LRCH1: variants seen among roughly 807,000 people sequenced by gnomAD.
LRCH1 encodes leucine-rich repeat and calponin homology domain-containing protein 1.
A neutral mutation model predicts 94.9 loss-of-function variants in LRCH1; 23 were observed. The ratio of observed to expected loss-of-function variants is 0.24; its 90% CI spans 0.17 to 0.34. The LOEUF (loss-of-function observed/expected upper bound fraction) is 0.34, where lower values mean the gene tolerates loss of function less well. LRCH1 is among the 10% of genes least tolerant of loss of function. LRCH1 has a pLI of 1.00. For missense variants in LRCH1, 790 were observed against 945.9 expected (o/e 0.84, Z 2.16); for synonymous variants, 364 against 354.9 (o/e 1.03, Z -0.29).
At chr13:46,629,033 G>GC (rs1302578964) in intron 1 of LRCH1, among the ~76,000 whole-genome samples, 1 of 152,172 alleles carries the variant, frequency 6.6e-6, no homozygotes, top group Non-Finnish European at 1.5e-5. Flanking sequence ...ACAGTGGTCT[G>GC]CCAAGTCTCC....
intron 4 of LRCH1, among the ~76,000 whole-genome samples, chr13:46,682,832 C>T (rs1209211660): frequency 6.6e-6 from 1 of 152,170 alleles, no homozygotes; most frequent in African/African-American, 2.4e-5. Flanking sequence ...GCATGTCTGT[C>T]CAGTAGTGTG....
intron 15 of LRCH1, among the ~76,000 whole-genome samples, chr13:46,713,770 A>G (rs1872187728): frequency 6.6e-6 from 1 of 152,186 alleles, no homozygotes; most frequent in South Asian, 2.1e-4. Flanking sequence ...CCACGGTCTC[A>G]GGTGTGTCCT....
At chr13:46,580,638 G>A (rs1447435907) in intron 1 of LRCH1, among the ~76,000 whole-genome samples, 1 of 152,158 alleles carries the variant, frequency 6.6e-6, no homozygotes, top group Non-Finnish European at 1.5e-5. Flanking sequence ...TCTTTTGTGA[G>A]AACAAAAGGA....
chr13:46,680,924 A>G (rs1262643453), intron 3 of LRCH1, among the ~76,000 whole-genome samples: 2 of 152,196 alleles, frequency 1.3e-5, no homozygotes, highest in African/African-American at 4.8e-5. Flanking sequence ...GCACTGGTCT[A>G]CACTGCAGGA....
At chr13:46,617,566 C>T (rs765760014) in intron 1 of LRCH1, among the ~76,000 whole-genome samples, 1 of 152,188 alleles carries the variant, frequency 6.6e-6, no homozygotes, top group African/African-American at 2.4e-5. Flanking sequence ...ACAAGGTTCT[C>T]GCAGGGGCTC....
At position 46,701,719 on chromosome 13, in the gene LRCH1, A is replaced by G. The variant is rs184460133; in HGVS notation, c.1400+512A>G. 2.0e-5 allele frequency among the ~76,000 whole-genome samples: 3 copies of G among 152,370 alleles called. No homozygotes were observed. The East Asian group carries it at 5.8e-4, about 29-fold the overall frequency. The stretch of plus-strand genomic sequence containing the variant: ...TGCCTTGATCGATAATAGGCACTAC[A>G]TTCAGTGGATATGTGGATAATATTT... On this transcript the variant is annotated intron_variant, in intron 11 of 19. Transcript: ENST00000389797.
intron 2 of LRCH1, among the ~76,000 whole-genome samples, chr13:46,661,186 T>A (rs2051443292): frequency 6.6e-6 from 1 of 152,080 alleles, no homozygotes; most frequent in Non-Finnish European, 1.5e-5. Flanking sequence ...AGAGGGGAGA[T>A]CACAGAATTT....
chr13:46,676,217 C>T lies in LRCH1; in HGVS notation c.580-5524C>T, dbSNP rs189722615. 1.9e-3 allele frequency among the ~76,000 whole-genome samples: 281 copies of T among 150,764 alleles called. No homozygotes were observed. The Middle Eastern group carries it at 0.024, about 13-fold the overall frequency. On this transcript the variant is annotated intron_variant, in intron 3 of 19. Transcript: ENST00000389797. ...TGGAGGTTGCAGCAAGCCGAGATTG[C>T]GCCACCGCACTCCAGCCTGGGTGAC...
intron 4 of LRCH1, among the ~76,000 whole-genome samples, chr13:46,683,517 G>A (rs1290109107): frequency 1.3e-5 from 2 of 152,172 alleles, no homozygotes; most frequent in Non-Finnish European, 2.9e-5. Flanking sequence ...CTTATTAACA[G>A]CAAATTTATA....
Position 46,573,868 on chromosome 13 carries a change from T to TATATA in LRCH1, c.307+20165_307+20166insATATA, listed in dbSNP as rs1374087114. The stretch of plus-strand genomic sequence containing the variant: ...CAAATATATATATATATATATATAT[T>TATATA]TTTTTTTTTTTTGAGATGGAGTCTT... On this transcript the variant is annotated intron_variant, in intron 1 of 19. Transcript: ENST00000389797. Among the ~76,000 whole-genome samples the TATATA allele has an allele frequency of 3.7e-3, 151 of 40,426 alleles. 2 individuals are homozygous for TATATA. The highest frequency in any genetic ancestry group is 0.013 in the African/African-American group (144 of 11,408). The allele number at this position is 40,426 out of a possible 152,430, so 26.5% of individuals were successfully genotyped here. A position where few individuals can be genotyped will look rare whatever the true frequency, so the allele number is the denominator to read the frequency against.
chr13:46,586,449 T>C (rs573126576), intron 1 of LRCH1, among the ~76,000 whole-genome samples: 2 of 152,330 alleles, frequency 1.3e-5, no homozygotes, highest in South Asian at 4.1e-4. Context: ...AGGGTCTCCC[T>C]CTGTCACTCA....
At chr13:46,693,923 G>A (rs1871041645) in intron 8 of LRCH1, among the ~76,000 whole-genome samples, 1 of 101,700 alleles carries the variant, frequency 9.8e-6, no homozygotes, top group South Asian at 4.1e-4. Flanking sequence ...CATGATAGGA[G>A]AGCTGTTTAA....
chr13:46,742,992 A>AG lies in LRCH1; in HGVS notation c.*1146dup, dbSNP rs1384008843. ...GCAATGTGATCAGTTTGCATTTAAA[A>AG]GGAAAAAAAAGAATTTTATCTTAGC... On this transcript the variant is annotated 3_prime_UTR_variant, in exon 20 of 20. Coordinates refer to ENST00000389797, the MANE Select transcript of LRCH1 (RefSeq NM_001164211.2). 2 of 985,318 alleles carry AG rather than the reference A, an allele frequency of 2.0e-6. No homozygotes were observed. The highest frequency in any genetic ancestry group is 3.5e-5 in the African/African-American group (2 of 57,246). The allele number at this position is 985,318 out of a possible 1,614,324, so 61.0% of individuals were successfully genotyped here. A position where few individuals can be genotyped will look rare whatever the true frequency, so the allele number is the denominator to read the frequency against.
At chr13:46,716,829 C>A (rs544886014) in intron 16 of LRCH1, among the ~76,000 whole-genome samples, 2 of 151,884 alleles carry the variant, frequency 1.3e-5, no homozygotes, top group Admixed American at 1.3e-4. Flanking sequence ...CTCCTTATAC[C>A]ATCCAGTTGT....
intron 1 of LRCH1, among the ~76,000 whole-genome samples, chr13:46,612,066 G>A (rs961163879): frequency 2.6e-5 from 4 of 152,122 alleles, no homozygotes; most frequent in Non-Finnish European, 2.9e-5. Context: ...AAACAAAACC[G>A]ACAGCCTGTT....
At chr13:46,730,540 A>G (rs1041536872) in intron 18 of LRCH1, among the ~76,000 whole-genome samples, 6 of 152,132 alleles carry the variant, frequency 3.9e-5, no homozygotes, top group Admixed American at 3.9e-4. Context: ...ACCTTATTTC[A>G]TCTTAGTTTC....
intron 1 of LRCH1, among the ~76,000 whole-genome samples, chr13:46,643,168 G>C (rs563221994): frequency 6.6e-6 from 1 of 152,186 alleles, no homozygotes; most frequent in South Asian, 2.1e-4. Flanking sequence ...CTCTTATTTG[G>C]TTGCCGTTCA....
At chr13:46,634,695 C>T (rs1433087541) in intron 1 of LRCH1, among the ~76,000 whole-genome samples, 1 of 152,224 alleles carries the variant, frequency 6.6e-6, no homozygotes, top group African/African-American at 2.4e-5. Context: ...TCTTGTTTAC[C>T]TGTCTCCCCC....
intron 18 of LRCH1, among the ~76,000 whole-genome samples, chr13:46,731,675 A>C: frequency 6.6e-6 from 1 of 152,198 alleles, no homozygotes; most frequent in Non-Finnish European, 1.5e-5. Flanking sequence ...TTCACCAAGC[A>C]TCTTGATGAC....
Sources: allele counts gnomAD v4.1 joint callset (sites outside exome capture counted in the v4.1 genomes callset), GRCh38; gene constraint gnomAD v4.1.1; transcripts MANE v1.5; gene names NCBI Gene and HGNC (gene_info 2026-07-23, HGNC 2026-07-21).